Variants in FBP2 observed in about 807,000 individuals in gnomAD.
FBP2 encodes fructose-bisphosphatase 2, also known as fructose-1,6-bisphosphatase isozyme 2.
In FBP2, 27 loss-of-function variants were observed where a neutral mutation model predicts 31.6. The observed-to-expected ratio is 0.85, with a 90% CI of 0.63 to 1.18. The LOEUF (loss-of-function observed/expected upper bound fraction) is 1.18, where lower values mean the gene tolerates loss of function less well. Among genes scored for constraint, FBP2 ranks in the 50% most tolerant of loss-of-function variants. The probability of loss-of-function intolerance (pLI) is 0.00; values close to 1 mark genes in which losing one functional copy is unlikely to be tolerated. For synonymous variants in FBP2, 168 were observed against 179.8 expected (o/e 0.93, Z 0.53); for missense variants, 421 against 436.1 (o/e 0.97, Z 0.31).
chr9:94,586,951 A>C, intron 2 of FBP2: 1 of 170,766 alleles, frequency 5.9e-6, no homozygotes, highest in Non-Finnish European at 1.2e-5. Context: ...TGGAATGAGA[A>C]GGCGGGGCGG....
intron 2 of FBP2, among the ~76,000 whole-genome samples, chr9:94,585,966 T>G (rs1827422648): frequency 6.6e-6 from 1 of 152,134 alleles, no homozygotes; most frequent in South Asian, 2.1e-4. Flanking sequence ...ACTCCTGAGC[T>G]CAAGCAATCC....
chr9:94,579,103 T>TA (rs57027471), intron 3 of FBP2, among the ~76,000 whole-genome samples: 13 of 113,680 alleles, frequency 1.1e-4, no homozygotes, highest in South Asian at 2.8e-4. Context: ...TTTTATATAT[T>TA]AAAAAAAAAA....
chr9:94,583,721 T>A (rs1219698482), intron 3 of FBP2, among the ~76,000 whole-genome samples: 1 of 152,192 alleles, frequency 6.6e-6, no homozygotes, highest in Non-Finnish European at 1.5e-5. Context: ...TGCCTCAGCC[T>A]CCTGAGTAGC....
At chr9:94,571,878 G>A (rs644237) in intron 3 of FBP2, among the ~76,000 whole-genome samples, 73,907 of 151,926 alleles carry the variant, frequency 0.49, 18,601 homozygotes, top group East Asian at 0.61. Flanking sequence ...TGCTAAAACC[G>A]TAGCCCCTCT....
At chr9:94,560,671 G>C (rs1346224134) in intron 6 of FBP2, among the ~76,000 whole-genome samples, 4 of 146,456 alleles carry the variant, frequency 2.7e-5, no homozygotes, top group African/African-American at 1.0e-4. Flanking sequence ...CATATATTAT[G>C]GTAATTTTTT....
intron 6 of FBP2, among the ~76,000 whole-genome samples, chr9:94,560,762 AAT>A (rs1390002362): frequency 2.0e-5 from 3 of 147,996 alleles, no homozygotes; most frequent in Non-Finnish European, 4.5e-5. Context: ...ATATTTATAT[AAT>A]GTTATTATAT....
Position 94,558,786 on chromosome 9 carries a change from C to T in FBP2, c.*152G>A. 4.3e-6 allele frequency: 3 copies of T among 698,752 alleles called. No homozygotes were observed. Among genetic ancestry groups the T allele is most frequent in the Non-Finnish European group, 4.9e-6 (2 of 412,136 alleles). 43.3% of individuals were successfully genotyped at this position (698,752 alleles called of 1,614,324 possible). A position where few individuals can be genotyped will look rare whatever the true frequency, so the allele number is the denominator to read the frequency against. On this transcript the variant is annotated 3_prime_UTR_variant, in exon 7 of 7. Transcript: ENST00000375337. ...CATAGAATCGCCTGTGGCTTCCAAA[C>T]CTGTCGTAAGCAGTTTGTTGTTGCT... is the stretch of plus-strand genomic sequence containing the variant.
chr9:94,592,202 T>C (rs1827511077), intron 1 of FBP2, among the ~76,000 whole-genome samples: 1 of 152,152 alleles, frequency 6.6e-6, no homozygotes, highest in Non-Finnish European at 1.5e-5. Context: ...GTGGCTGTTA[T>C]TGCCAAATGA....
intron 3 of FBP2, among the ~76,000 whole-genome samples, chr9:94,575,461 T>A (rs1294376683): frequency 6.6e-6 from 1 of 152,226 alleles, no homozygotes; most frequent in East Asian, 1.9e-4. Flanking sequence ...ACATAGCAGT[T>A]TGTTCTTTTT....
chr9:94,589,029 G>C (rs1021025574), intron 1 of FBP2, among the ~76,000 whole-genome samples: 1 of 152,166 alleles, frequency 6.6e-6, no homozygotes, highest in Non-Finnish European at 1.5e-5. Context: ...CGTCTGTTTG[G>C]AGCAGCATTC....
intron 3 of FBP2, chr9:94,576,561 G>C (rs149472976): frequency 2.6e-4 from 39 of 152,348 alleles, no homozygotes; most frequent in African/African-American, 8.2e-4. Context: ...TGGAATGCTA[G>C]GGAGTCTCCT....
chr9:94,591,029 G>C (rs1489800570), intron 1 of FBP2, among the ~76,000 whole-genome samples: 6 of 130,216 alleles, frequency 4.6e-5, no homozygotes, highest in South Asian at 2.8e-4. Flanking sequence ...CCCTGAGCTA[G>C]ATATAAAGAC....
At chr9:94,583,845 G>A (rs911633875) in intron 3 of FBP2, among the ~76,000 whole-genome samples, 1 of 152,134 alleles carries the variant, frequency 6.6e-6, no homozygotes, top group African/African-American at 2.4e-5. Context: ...GGCCTCAAGT[G>A]ATCCGCCCGC....
intron 6 of FBP2, 109 bp downstream of exon 6, chr9:94,563,233 C>G: frequency 7.8e-7 from 1 of 1,278,516 alleles, no homozygotes. Flanking sequence ...TGCCCATCCC[C>G]ACACAGACAT....
intron 3 of FBP2, among the ~76,000 whole-genome samples, chr9:94,579,992 T>G (rs1168730682): frequency 6.6e-6 from 1 of 152,242 alleles, no homozygotes; most frequent in East Asian, 1.9e-4. Context: ...CTGAGAATTA[T>G]CTATTTCCCT....
intron 6 of FBP2, among the ~76,000 whole-genome samples, chr9:94,559,493 C>T (rs1827062015): frequency 6.6e-6 from 1 of 150,992 alleles, no homozygotes; most frequent in African/African-American, 2.5e-5. Context: ...TGGTGGAAGC[C>T]TTTATATGTG....
At chr9:94,559,397 T>C (rs1010170441) in intron 6 of FBP2, among the ~76,000 whole-genome samples, 1 of 152,222 alleles carries the variant, frequency 6.6e-6, no homozygotes, top group African/African-American at 2.4e-5. Context: ...CTTGTGCTTA[T>C]GAGAGACCTG....
At chr9:94,591,109 G>T (rs550536779) in intron 1 of FBP2, among the ~76,000 whole-genome samples, 1 of 152,258 alleles carries the variant, frequency 6.6e-6, no homozygotes, top group Non-Finnish European at 1.5e-5. Flanking sequence ...GGGGCTGCAG[G>T]TGGAGCTGCC....
chr9:94,569,116 T>A (rs551652210), intron 4 of FBP2: 14 of 152,410 alleles, frequency 9.2e-5, no homozygotes, highest in Admixed American at 7.8e-4. Context: ...GTGCCCTGAC[T>A]TGCTTTGAAT....
Sources: gnomAD v4.1 joint callset for allele counts (sites outside exome capture counted in the v4.1 genomes callset) on GRCh38, gnomAD v4.1.1 for gene constraint, MANE v1.5 for transcripts, NCBI Gene and HGNC (gene_info 2026-07-23, HGNC 2026-07-21) for gene names.